DGKB: variants seen among roughly 807,000 people sequenced by gnomAD.
The protein encoded by DGKB is diacylglycerol kinase beta, also known as 90 kDa diacylglycerol kinase.
DGKB carries 67 observed loss-of-function variants against 114.3 expected under a neutral mutation model. The ratio of observed to expected loss-of-function variants is 0.59; its 90% CI spans 0.48 to 0.72. The LOEUF is 0.72. DGKB is among the 30% of genes least tolerant of loss of function. The pLI is 0.00. For synonymous variants in DGKB, 398 were observed against 323.1 expected (o/e 1.23, Z -2.49); for missense variants, 907 against 975.2 (o/e 0.93, Z 0.93).
chr7:14,945,411 A>C (rs998210473), intron 1 of DGKB, among the ~76,000 whole-genome samples: 1 of 151,800 alleles, frequency 6.6e-6, no homozygotes, highest in African/African-American at 2.4e-5. Context: ...GGTGTGTTTC[A>C]TTTGTAAAAA....
chr7:14,632,417 T>C (rs1249475387), intron 13 of DGKB, among the ~76,000 whole-genome samples: 1 of 151,574 alleles, frequency 6.6e-6, no homozygotes, highest in Non-Finnish European at 1.5e-5. Context: ...TACATATATA[T>C]TTATATGTAA....
At chr7:14,419,388 C>T (rs902064527) in intron 21 of DGKB, among the ~76,000 whole-genome samples, 9 of 151,934 alleles carry the variant, frequency 5.9e-5, no homozygotes, top group Admixed American at 3.9e-4. Flanking sequence ...GTCCAATTCT[C>T]AGTCAACTGT....
intron 2 of DGKB, among the ~76,000 whole-genome samples, chr7:14,838,489 C>G (rs2044751107): frequency 6.6e-6 from 1 of 152,126 alleles, no homozygotes; most frequent in African/African-American, 2.4e-5. Context: ...TCACCATAAT[C>G]CCTTCTTTTA....
rs567361021 is a variant in DGKB, at chr7:14,550,759, A to G, written c.1770+23453T>C. ...AACATGATGACGGAATTATCTGCAG[A>G]CCAACAGAATTTTATCAAACCAAAT... On this transcript the variant is annotated intron_variant, in intron 20 of 25. Coordinates refer to ENST00000402815, the MANE Select transcript of DGKB (RefSeq NM_001350709.2). Among the ~76,000 whole-genome samples, 11 of 152,326 alleles carry G rather than the reference A, an allele frequency of 7.2e-5. No individual in the cohort carries two copies. The South Asian group carries it at 2.3e-3, about 32-fold the overall frequency.
chr7:14,482,165 G>T (rs532396624), intron 20 of DGKB, among the ~76,000 whole-genome samples: 1 of 151,820 alleles, frequency 6.6e-6, no homozygotes, highest in Non-Finnish European at 1.5e-5. Context: ...TACCTGCCTT[G>T]CTTTGAAGAT....
intron 9 of DGKB, among the ~76,000 whole-genome samples, chr7:14,692,681 A>G (rs557670225): frequency 2.0e-5 from 3 of 150,748 alleles, no homozygotes; most frequent in South Asian, 4.2e-4. Context: ...ATACTTATTA[A>G]CAATAATATA....
At chr7:14,385,493 G>A (rs7804884) in intron 21 of DGKB, among the ~76,000 whole-genome samples, 119,121 of 152,126 alleles carry the variant, frequency 0.78, 46,824 homozygotes, top group Middle Eastern at 0.89. Context: ...ATGGTCCTCA[G>A]ACATGGTCCT....
chr7:14,591,192 G>A (rs1305628263), intron 17 of DGKB, among the ~76,000 whole-genome samples: 1 of 152,054 alleles, frequency 6.6e-6, no homozygotes, highest in Admixed American at 6.6e-5. Context: ...CCTTCCAATG[G>A]GGAGAAGTGA....
intron 21 of DGKB, among the ~76,000 whole-genome samples, chr7:14,445,779 G>A (rs950832386): frequency 6.6e-6 from 1 of 151,802 alleles, no homozygotes; most frequent in Non-Finnish European, 1.5e-5. Flanking sequence ...CATTAAACAC[G>A]GGTATAAGTT....
chr7:14,224,433 C>T (rs1409230782), intron 23 of DGKB, among the ~76,000 whole-genome samples: 1 of 151,860 alleles, frequency 6.6e-6, no homozygotes, highest in East Asian at 1.9e-4. Context: ...TTTCTTACTT[C>T]TGTGTACTTA....
At chr7:14,296,544 T>A (rs1802593621) in intron 23 of DGKB, among the ~76,000 whole-genome samples, 1 of 152,056 alleles carries the variant, frequency 6.6e-6, no homozygotes, top group Non-Finnish European at 1.5e-5. Context: ...TGGGTCAAAT[T>A]GTATTTCTGG....
intron 2 of DGKB, among the ~76,000 whole-genome samples, chr7:14,834,054 C>T (rs1195867754): frequency 6.6e-6 from 1 of 152,088 alleles, no homozygotes; most frequent in Non-Finnish European, 1.5e-5. Context: ...TTTACTGTGG[C>T]ACTTCCTATA....
chr7:14,257,187 T>G (rs975374772), intron 23 of DGKB, among the ~76,000 whole-genome samples: 1 of 152,104 alleles, frequency 6.6e-6, no homozygotes, highest in Non-Finnish European at 1.5e-5. Context: ...ATAAAAAAAT[T>G]TATTCTGTTA....
intron 1 of DGKB, among the ~76,000 whole-genome samples, chr7:14,869,749 T>C (rs1345140751): frequency 6.6e-6 from 1 of 152,106 alleles, no homozygotes; most frequent in Non-Finnish European, 1.5e-5. Context: ...TCAACAGTTA[T>C]ATACACAATA....
chr7:14,947,002 G>T (rs57198888), intron 1 of DGKB, among the ~76,000 whole-genome samples: 6,031 of 151,606 alleles, frequency 0.04, 351 homozygotes, highest in African/African-American at 0.13. Context: ...TTTAAGAAGT[G>T]TTGTATTTTT....
At chr7:14,876,116 A>G (rs1327863197) in intron 1 of DGKB, among the ~76,000 whole-genome samples, 1 of 152,166 alleles carries the variant, frequency 6.6e-6, no homozygotes, top group Non-Finnish European at 1.5e-5. Flanking sequence ...GCGGAGTGGA[A>G]GCAGCTTTCC....
At chr7:14,853,414 T>C (rs1230733874) in intron 1 of DGKB, among the ~76,000 whole-genome samples, 1 of 151,920 alleles carries the variant, frequency 6.6e-6, no homozygotes, top group Admixed American at 6.6e-5. Context: ...TTTTCTGTAT[T>C]GTTGCTACTA....
At chr7:14,391,423 C>A (rs1319125596) in intron 21 of DGKB, among the ~76,000 whole-genome samples, 1 of 151,706 alleles carries the variant, frequency 6.6e-6, no homozygotes, top group African/African-American at 2.4e-5. Flanking sequence ...TGGCTTATGC[C>A]TGTAATCCCA....
chr7:14,308,117 A>G (rs1426405651), intron 23 of DGKB, among the ~76,000 whole-genome samples: 1 of 152,088 alleles, frequency 6.6e-6, no homozygotes, highest in Non-Finnish European at 1.5e-5. Flanking sequence ...ATGTACTTCA[A>G]GAATGTATAT....
Sources: allele counts gnomAD v4.1 joint callset (sites outside exome capture counted in the v4.1 genomes callset), GRCh38; gene constraint gnomAD v4.1.1; transcripts MANE v1.5; gene names NCBI Gene and HGNC (gene_info 2026-07-23, HGNC 2026-07-21).